Variants in RBFOX1 observed in about 807,000 individuals in gnomAD.
RBFOX1 encodes the protein RNA binding fox-1 homolog 1.
In RBFOX1, 8 loss-of-function variants were observed where a neutral mutation model predicts 57.7. The observed-to-expected ratio is 0.14, with a 90% CI of 0.08 to 0.25. The LOEUF is 0.25. Ranked by LOEUF, RBFOX1 falls within the 10% of genes least tolerant of loss-of-function variation. The probability of loss-of-function intolerance (pLI) is 1.00; values close to 1 mark genes in which losing one functional copy is unlikely to be tolerated. For missense variants in RBFOX1, 611 were observed against 548.5 expected, an observed-to-expected ratio of 1.11 and a Z score of -1.14; for synonymous variants, 326 against 222.4, an observed-to-expected ratio of 1.47 and a Z score of -4.15.
chr16:5,739,346 C>T (rs1266508089), intron 3 of RBFOX1, among the ~76,000 whole-genome samples: 1 of 152,246 alleles, frequency 6.6e-6, no homozygotes, highest in East Asian at 1.9e-4. Flanking sequence ...GCAGGCAGTA[C>T]TCAAGGCACC....
intron 5 of RBFOX1, among the ~76,000 whole-genome samples, chr16:7,526,602 T>C (rs779755511): frequency 1.7e-4 from 26 of 152,228 alleles, no homozygotes; most frequent in Admixed American, 1.5e-3. Flanking sequence ...TGTACTTACA[T>C]TGAAAGTTTG....
intron 3 of RBFOX1, among the ~76,000 whole-genome samples, chr16:6,934,313 C>A (rs907381482): frequency 2.6e-5 from 4 of 152,088 alleles, no homozygotes; most frequent in African/African-American, 9.7e-5. Flanking sequence ...ATGATGTTTT[C>A]CTTTATTTCT....
chr16:6,029,090 A>T lies in RBFOX1; in HGVS notation c.-127+9098A>T, dbSNP rs545000253. 7.9e-5 allele frequency among the ~76,000 whole-genome samples: 12 copies of T among 151,376 alleles called. No individual in the cohort carries two copies. The East Asian group carries it at 1.9e-3, about 24-fold the overall frequency. ...CAGACTTCCGAGCTAGTCACTTCTT[A>T]TTTTTTTTTACCTTGTGGTATTCAG... is the stretch of plus-strand genomic sequence containing the variant. On this transcript the variant is annotated intron_variant, in intron 1 of 15. Transcript: ENST00000550418.
intron 4 of RBFOX1, chr16:7,304,262 G>C: frequency 1.0e-6 from 1 of 983,862 alleles, no homozygotes; most frequent in East Asian, 1.1e-4. Context: ...GCGAGCCACC[G>C]GTCATTGACT....
At chr16:7,520,756 A>G (rs546586761) in intron 5 of RBFOX1, among the ~76,000 whole-genome samples, 10 of 152,266 alleles carry the variant, frequency 6.6e-5, no homozygotes, top group African/African-American at 2.2e-4. Flanking sequence ...GATGTTGTTT[A>G]CTGTTTGTTG....
At chr16:6,908,220 C>T (rs2070592225) in intron 3 of RBFOX1, among the ~76,000 whole-genome samples, 3 of 151,682 alleles carry the variant, frequency 2.0e-5, no homozygotes, top group African/African-American at 7.2e-5. Context: ...CATTGTGTTG[C>T]CTGAGATCTG....
At chr16:6,531,643 C>T (rs1364103581) in intron 2 of RBFOX1, among the ~76,000 whole-genome samples, 4 of 152,084 alleles carry the variant, frequency 2.6e-5, no homozygotes, top group East Asian at 1.9e-4. Flanking sequence ...GACCCATTCT[C>T]GGAGCATATG....
intron 4 of RBFOX1, among the ~76,000 whole-genome samples, chr16:7,227,296 A>ACCC (rs1354905355): frequency 5.9e-5 from 7 of 117,678 alleles, no homozygotes; most frequent in Admixed American, 1.0e-4. Context: ...CCCCACCCCC[A>ACCC]CACACACACA....
chr16:7,584,548 C>T (rs1027546242), intron 6 of RBFOX1, among the ~76,000 whole-genome samples: 2 of 152,208 alleles, frequency 1.3e-5, no homozygotes, highest in Non-Finnish European at 2.9e-5. Context: ...GCCTCAGCCT[C>T]CCACAGTGCT....
chr16:6,598,509 A>G (rs771531446), intron 2 of RBFOX1, among the ~76,000 whole-genome samples: 2 of 152,238 alleles, frequency 1.3e-5, no homozygotes, highest in African/African-American at 4.8e-5. Context: ...TCAGACCGAT[A>G]TATACAAAGA....
intron 3 of RBFOX1, among the ~76,000 whole-genome samples, chr16:6,761,573 T>C (rs1206531627): frequency 1.5e-5 from 2 of 132,402 alleles, no homozygotes; most frequent in East Asian, 2.6e-4. Flanking sequence ...AGTGGTGCGA[T>C]CTCGGTTCAC....
intron 3 of RBFOX1, among the ~76,000 whole-genome samples, chr16:5,694,293 G>C (rs1735286944): frequency 6.6e-6 from 1 of 152,174 alleles, no homozygotes; most frequent in Admixed American, 6.5e-5. Flanking sequence ...CACTGCTAAA[G>C]TCATTTAATT....
intron 1 of RBFOX1, among the ~76,000 whole-genome samples, chr16:6,225,663 A>C (rs1464584564): frequency 6.6e-6 from 1 of 152,170 alleles, no homozygotes; most frequent in Non-Finnish European, 1.5e-5. Context: ...CCAAATTTGC[A>C]TAATTTAGGC....
intron 4 of RBFOX1, among the ~76,000 whole-genome samples, chr16:7,195,503 C>G (rs9924034): frequency 0.22 from 34,198 of 152,058 alleles, 4,624 homozygotes; most frequent in East Asian, 0.37. Flanking sequence ...ATTTGAAAGA[C>G]TGTTTGAGGA....
intron 2 of RBFOX1, among the ~76,000 whole-genome samples, chr16:6,568,466 C>G (rs557457249): frequency 6.6e-6 from 1 of 152,112 alleles, no homozygotes; most frequent in South Asian, 2.1e-4. Flanking sequence ...GGGAGAGATG[C>G]TAAGATGGAA....
intron 1 of RBFOX1, among the ~76,000 whole-genome samples, chr16:6,082,347 A>ATTTTTTTTTTTTTTT (rs71142677): frequency 4.1e-4 from 17 of 41,044 alleles, no homozygotes; most frequent in Non-Finnish European, 7.2e-4. Context: ...CACCTGGCTA[A>ATTTTTTTTTTTTTTT]TTTTTTTTTT....
At chr16:7,246,392 C>G (rs1018950012) in intron 4 of RBFOX1, among the ~76,000 whole-genome samples, 1 of 152,152 alleles carries the variant, frequency 6.6e-6, no homozygotes, top group Non-Finnish European at 1.5e-5. Flanking sequence ...GAAGTGATAA[C>G]CCGAATGTTT....
chr16:5,756,747 C>A (rs1048154114), intron 3 of RBFOX1, among the ~76,000 whole-genome samples: 3 of 152,128 alleles, frequency 2.0e-5, no homozygotes, highest in Non-Finnish European at 4.4e-5. Context: ...CAAAGAGACC[C>A]CATGAAATCA....
chr16:7,230,202 A>G (rs2093419501), intron 4 of RBFOX1, among the ~76,000 whole-genome samples: 2 of 151,802 alleles, frequency 1.3e-5, no homozygotes, highest in South Asian at 2.1e-4. Context: ...GGACATCTGT[A>G]TATGTCAGTC....
Sources: gnomAD v4.1 joint callset for allele counts (sites outside exome capture counted in the v4.1 genomes callset) on GRCh38, gnomAD v4.1.1 for gene constraint, MANE v1.5 for transcripts, NCBI Gene and HGNC (gene_info 2026-07-23, HGNC 2026-07-21) for gene names.